Variants in ELF1 observed in about 807,000 individuals in gnomAD.
ELF1 encodes E74 like ETS transcription factor 1, also known as ETS-related transcription factor Elf-1.
A neutral mutation model predicts 59.9 loss-of-function variants in ELF1; 24 were observed. The observed-to-expected ratio is 0.40, with a 90% confidence interval of 0.29 to 0.56. The LOEUF (loss-of-function observed/expected upper bound fraction) is 0.56. Among genes scored for constraint, ELF1 ranks in the 20% least tolerant of loss-of-function variants. The pLI is 0.44. For synonymous variants in ELF1, 248 were observed against 266.2 expected (o/e 0.93, Z 0.67); for missense variants, 627 against 742.2 (o/e 0.84, Z 1.80).
At chr13:40,950,484 TTTCA>T (rs1313855434) in intron 4 of ELF1, among the ~76,000 whole-genome samples, 2 of 143,054 alleles carry the variant, frequency 1.4e-5, no homozygotes, top group African/African-American at 5.3e-5. Context: ...ATCTCAAAGA[TTTCA>T]TTCATTTTTT....
intron 1 of ELF1, among the ~76,000 whole-genome samples, chr13:40,983,998 C>G (rs1327685005): frequency 1.3e-5 from 2 of 152,178 alleles, no homozygotes; most frequent in East Asian, 1.9e-4. Flanking sequence ...AAGGACTGCT[C>G]CCTTCAAAAA....
intron 8 of ELF1, among the ~76,000 whole-genome samples, chr13:40,940,405 A>AAAAAC (rs1870068279): frequency 6.6e-6 from 1 of 150,384 alleles, no homozygotes; most frequent in African/African-American, 2.5e-5. Flanking sequence ...AAAAAAAAAA[A>AAAAAC]AAAAAAAAAA....
At chr13:41,016,455 TAAATA>T (rs1452543312) in intron 1 of ELF1, among the ~76,000 whole-genome samples, 1 of 152,088 alleles carries the variant, frequency 6.6e-6, no homozygotes, top group Admixed American at 6.6e-5. Context: ...GTGACAAAGA[TAAATA>T]AAATGAGATT....
chr13:41,060,945 G>A (rs1002614768), exon 1 of ELF1: 5 of 341,838 alleles, frequency 1.5e-5, no homozygotes, highest in Non-Finnish European at 3.0e-5. Flanking sequence ...CGCCGCCGCC[G>A]CTGCTGCTGC....
upstream of ELF1, among the ~76,000 whole-genome samples, chr13:41,022,828 G>A (rs12050005): frequency 9.1e-3 from 1,386 of 152,260 alleles, 17 homozygotes; most frequent in East Asian, 0.049. Flanking sequence ...GCAGTGAGCC[G>A]AGGTTGCACC....
chr13:41,061,385 A>G, exon 1 of ELF1: 1 of 543,402 alleles, frequency 1.8e-6, no homozygotes, highest in Non-Finnish European at 3.3e-6. Context: ...TCGCGCTTTT[A>G]CCCCTTCCCG....
At chr13:41,052,333 AT>A (rs1379422414) in intron 1 of ELF1, among the ~76,000 whole-genome samples, 3 of 152,230 alleles carry the variant, frequency 2.0e-5, no homozygotes, top group Non-Finnish European at 4.4e-5. Flanking sequence ...AATAGTAACC[AT>A]TATAGCATAA....
At chr13:41,060,536 A>G (rs1316935561) in intron 1 of ELF1, among the ~76,000 whole-genome samples, 1 of 152,128 alleles carries the variant, frequency 6.6e-6, no homozygotes, top group Non-Finnish European at 1.5e-5. Flanking sequence ...AAGGATCGGA[A>G]GCGCATTCGC....
At chr13:40,984,095 T>A (rs114849311) in intron 1 of ELF1, among the ~76,000 whole-genome samples, 1,700 of 152,308 alleles carry the variant, frequency 0.011, 39 homozygotes, top group African/African-American at 0.039. Flanking sequence ...TTAATTCAAC[T>A]GAATACATGT....
At chr13:40,979,943 T>C (rs183231559) in intron 2 of ELF1, among the ~76,000 whole-genome samples, 191 of 152,258 alleles carry the variant, frequency 1.3e-3, no homozygotes, top group Non-Finnish European at 2.4e-3. Context: ...TGCTTTTCCA[T>C]TAAAAACAAA....
chr13:40,933,438 G>T lies in ELF1; in HGVS notation c.1847C>A (p.Pro616His). ...TTGGTATATTAACTAAAAAGAGTTG[G>T]GTTCCAGCAGTTCGTTTTGTTTCAT... ...VAMKQNELLE[P>H]NSF The change falls in exon 9 of 9, where the codon CCC becomes CAC. Residue 616 changes from proline to histidine, a missense_variant. Physicochemically the swap from Pro to His is moderately conservative, Grantham distance 77 (BLOSUM62 -2). Coordinates refer to ENST00000239882, the MANE Select transcript of ELF1 (RefSeq NM_172373.4). 6.2e-7 allele frequency: 1 copy of T among 1,612,642 alleles called. No homozygotes were observed. Among genetic ancestry groups the T allele is most frequent in the Non-Finnish European group, 8.5e-7 (1 of 1,179,220 alleles).
At chr13:40,977,253 G>A (rs1177232249) in intron 2 of ELF1, among the ~76,000 whole-genome samples, 3 of 151,758 alleles carry the variant, frequency 2.0e-5, no homozygotes, top group Admixed American at 6.6e-5. Flanking sequence ...ATGCTAACAC[G>A]CTTGTTAAGA....
Position 40,943,004 on chromosome 13 carries a change from T to C in ELF1, c.754A>G (p.Lys252Glu), listed in dbSNP as rs771170315. The C allele has an allele frequency of 2.5e-6, 4 of 1,609,506 alleles. No homozygotes were observed. The highest frequency in any genetic ancestry group is 3.4e-6 in the Non-Finnish European group (4 of 1,177,478). ...TTCATATCAGGTTTGTTTTTGTGCT[T>C]CCCCCACAACCTGGACACTGCTTTA... is the stretch of plus-strand genomic sequence containing the variant. Reference protein sequence around the residue: ...DSKAVSRLWGKHKNKPDMNYE... With the variant: ...DSKAVSRLWGEHKNKPDMNYE... The change falls in exon 7 of 9, where the codon AAG becomes GAG. Residue 252 changes from lysine (K) to glutamate (E), a missense_variant. Transcript: ENST00000239882.
At chr13:41,034,109 G>A (rs1215486526) in intron 1 of ELF1, among the ~76,000 whole-genome samples, 3 of 152,028 alleles carry the variant, frequency 2.0e-5, no homozygotes, top group Non-Finnish European at 4.4e-5. Context: ...ACTTCAGGCC[G>A]TAATCACAAG....
chr13:40,962,584 G>A (rs1455705058), intron 2 of ELF1, among the ~76,000 whole-genome samples: 1 of 151,868 alleles, frequency 6.6e-6, no homozygotes, highest in Non-Finnish European at 1.5e-5. Flanking sequence ...TACTTAGGAG[G>A]GTGAGGCAGG....
intron 1 of ELF1, among the ~76,000 whole-genome samples, chr13:40,987,126 C>G (rs868410648): frequency 1.3e-5 from 2 of 149,480 alleles, no homozygotes; most frequent in South Asian, 4.2e-4. Context: ...TTAGTAGAGA[C>G]GGGCTTTCAC....
chr13:40,981,941 A>T, intron 2 of ELF1, 42 bp downstream of exon 2: 1 of 1,586,990 alleles, frequency 6.3e-7, no homozygotes, highest in Non-Finnish European at 8.6e-7. Context: ...TAGAAAAATC[A>T]TAATAAAGTC....
intron 1 of ELF1, among the ~76,000 whole-genome samples, chr13:41,012,877 G>T (rs564043974): frequency 2.6e-5 from 4 of 151,894 alleles, no homozygotes; most frequent in Admixed American, 2.6e-4. Flanking sequence ...TCTAAAATTG[G>T]TATCTTCTCT....
intron 1 of ELF1, among the ~76,000 whole-genome samples, chr13:41,042,554 C>T (rs1414878021): frequency 7.2e-5 from 11 of 151,866 alleles, no homozygotes; most frequent in African/African-American, 2.7e-4. Flanking sequence ...TGAGAACATG[C>T]GGTGTTTGGT....
Sources: gnomAD v4.1 joint callset for allele counts (sites outside exome capture counted in the v4.1 genomes callset) on GRCh38, gnomAD v4.1.1 for gene constraint, MANE v1.5 for transcripts, NCBI Gene and HGNC (gene_info 2026-07-23, HGNC 2026-07-21) for gene names.